SLC35F3: variants seen among roughly 807,000 people sequenced by gnomAD.
The protein encoded by SLC35F3 is putative thiamine transporter SLC35F3.
A neutral mutation model predicts 49.9 loss-of-function variants in SLC35F3; 25 were observed. The ratio of observed to expected loss-of-function variants is 0.50; its 90% CI spans 0.37 to 0.70. The LOEUF is 0.70. Ranked by LOEUF, SLC35F3 falls within the 30% of genes least tolerant of loss-of-function variation. The pLI, the probability that SLC35F3 is intolerant of heterozygous loss-of-function variation, is 0.00. For missense variants in SLC35F3, 525 were observed against 639.8 expected (o/e 0.82, Z 1.94); for synonymous variants, 275 against 265.4 (o/e 1.04, Z -0.35).
intron 2 of SLC35F3, among the ~76,000 whole-genome samples, chr1:234,040,368 A>C (rs965122596): frequency 1.3e-5 from 2 of 152,184 alleles, no homozygotes; most frequent in Non-Finnish European, 2.9e-5. Context: ...CGTTATTCAA[A>C]AGGAACCAAT....
chr1:234,160,574 C>A (rs932749394), intron 2 of SLC35F3, among the ~76,000 whole-genome samples: 7 of 152,158 alleles, frequency 4.6e-5, no homozygotes, highest in Non-Finnish European at 1.0e-4. Context: ...ATTCCTATTA[C>A]GCCAGGACAA....
At chr1:234,315,510 T>A (rs1657467881) in intron 4 of SLC35F3, among the ~76,000 whole-genome samples, 1 of 152,222 alleles carries the variant, frequency 6.6e-6, no homozygotes, top group South Asian at 2.1e-4. Flanking sequence ...TTGGGCAAGT[T>A]ACTTAACCTC....
At chr1:234,233,001 A>G (rs1667409839) in intron 3 of SLC35F3, among the ~76,000 whole-genome samples, 1 of 152,244 alleles carries the variant, frequency 6.6e-6, no homozygotes, top group Admixed American at 6.5e-5. Flanking sequence ...TCACATGGCC[A>G]GTCTCACATG....
intron 2 of SLC35F3, among the ~76,000 whole-genome samples, chr1:234,053,726 C>T (rs980173845): frequency 1.3e-5 from 2 of 152,198 alleles, no homozygotes; most frequent in African/African-American, 2.4e-5. Flanking sequence ...GATGCAGTTT[C>T]TTCCTAGCAT....
At chr1:234,038,742 G>A (rs900533333) in intron 2 of SLC35F3, among the ~76,000 whole-genome samples, 2 of 152,192 alleles carry the variant, frequency 1.3e-5, no homozygotes, top group African/African-American at 4.8e-5. Context: ...ATTTTAAAAG[G>A]ATCATTCTGG....
chr1:234,193,286 C>A (rs1666756610), intron 2 of SLC35F3, among the ~76,000 whole-genome samples: 1 of 151,928 alleles, frequency 6.6e-6, no homozygotes, highest in Non-Finnish European at 1.5e-5. Flanking sequence ...CAGAAGTAAA[C>A]CCAAATACTT....
chr1:234,215,673 ACTT>A (rs1667111083), intron 2 of SLC35F3, among the ~76,000 whole-genome samples: 1 of 152,146 alleles, frequency 6.6e-6, no homozygotes, highest in African/African-American at 2.4e-5. Flanking sequence ...CCCACTCGTG[ACTT>A]CTTGTTTATT....
rs139492704 is a variant in SLC35F3, at chr1:234,172,896, T to C, written c.284-58521T>C. On this transcript the variant is annotated intron_variant, in intron 2 of 7. Transcript: ENST00000366618. ...ACTATGCAGTGCGTGGCTGTGATTTTCATCTCACAGGATGTTGCAAAAATA... is the reference window on the plus strand; with the variant it reads ...ACTATGCAGTGCGTGGCTGTGATTTCCATCTCACAGGATGTTGCAAAAATA... 1.5e-3 allele frequency among the ~76,000 whole-genome samples: 224 copies of C among 152,340 alleles called. 1 individual carries two copies. The highest frequency in any genetic ancestry group is 4.1e-3 in the South Asian group (20 of 4,824).
intron 2 of SLC35F3, among the ~76,000 whole-genome samples, chr1:233,942,734 T>C (rs969747982): frequency 1.3e-5 from 2 of 152,214 alleles, no homozygotes; most frequent in African/African-American, 2.4e-5. Flanking sequence ...TTTTAACAAA[T>C]GTTTAAGTGC....
intron 2 of SLC35F3, among the ~76,000 whole-genome samples, chr1:233,995,557 T>C (rs893275083): frequency 6.6e-6 from 1 of 152,206 alleles, no homozygotes; most frequent in African/African-American, 2.4e-5. Flanking sequence ...TGCTTTGATC[T>C]GTGATAAAGT....
intron 3 of SLC35F3, among the ~76,000 whole-genome samples, chr1:234,270,809 G>C (rs1668086343): frequency 6.6e-6 from 1 of 152,236 alleles, no homozygotes; most frequent in Non-Finnish European, 1.5e-5. Flanking sequence ...GATGATGCCT[G>C]CCTGACGCAG....
At chr1:233,918,135 C>T (rs114309839) in intron 2 of SLC35F3, among the ~76,000 whole-genome samples, 1,611 of 152,336 alleles carry the variant, frequency 0.011, 29 homozygotes, top group African/African-American at 0.037. Flanking sequence ...AGTCTGAGTC[C>T]CAAAGGGAAG....
chr1:234,036,650 CT>C (rs1245902780), intron 2 of SLC35F3, among the ~76,000 whole-genome samples: 2 of 152,216 alleles, frequency 1.3e-5, no homozygotes, highest in Non-Finnish European at 2.9e-5. Context: ...CAGCTCCAGT[CT>C]TTTGTCAGTG....
intron 4 of SLC35F3, among the ~76,000 whole-genome samples, chr1:234,309,794 CT>C (rs1188136145): frequency 6.6e-6 from 1 of 152,240 alleles, no homozygotes; most frequent in Non-Finnish European, 1.5e-5. Flanking sequence ...AGTCTTGGCC[CT>C]TTGCCTGGGC....
intron 2 of SLC35F3, among the ~76,000 whole-genome samples, chr1:234,163,427 T>A (rs947192985): frequency 2.6e-5 from 4 of 152,068 alleles, no homozygotes; most frequent in African/African-American, 9.7e-5. Flanking sequence ...AAGACAGACG[T>A]CCTGTAGAGC....
intron 2 of SLC35F3, among the ~76,000 whole-genome samples, chr1:234,201,348 C>G (rs1173586999): frequency 6.6e-6 from 1 of 152,212 alleles, no homozygotes; most frequent in African/African-American, 2.4e-5. Context: ...GTTAAGCTGA[C>G]ATATTTGATA....
chr1:234,211,528 T>C (rs1308952634), intron 2 of SLC35F3, among the ~76,000 whole-genome samples: 1 of 152,214 alleles, frequency 6.6e-6, no homozygotes, highest in Non-Finnish European at 1.5e-5. Flanking sequence ...GTGACCCAGA[T>C]GTGAGACATG....
chr1:234,232,534 A>AAAAG (rs1667400079), intron 3 of SLC35F3, among the ~76,000 whole-genome samples: 2 of 151,098 alleles, frequency 1.3e-5, no homozygotes, highest in Non-Finnish European at 1.5e-5. Flanking sequence ...AAAAAAAAAA[A>AAAAG]AAAAAAGAAA....
At chr1:233,923,216 T>A (rs1021774586) in intron 2 of SLC35F3, among the ~76,000 whole-genome samples, 1 of 152,228 alleles carries the variant, frequency 6.6e-6, no homozygotes, top group African/African-American at 2.4e-5. Context: ...GGTATGGCAT[T>A]GAATCTATAA....
Sources: allele counts gnomAD v4.1 joint callset (sites outside exome capture counted in the v4.1 genomes callset), GRCh38; gene constraint gnomAD v4.1.1; transcripts MANE v1.5; gene names NCBI Gene and HGNC (gene_info 2026-07-23, HGNC 2026-07-21).